Variants in NEDD9 observed in about 807,000 individuals in gnomAD.
NEDD9 encodes the protein neural precursor cell expressed, developmentally down-regulated 9, also known as enhancer of filamentation 1.
A neutral mutation model predicts 76.6 loss-of-function variants in NEDD9; 26 were observed. The observed-to-expected ratio is 0.34, with a 90% CI of 0.25 to 0.47. NEDD9 has a LOEUF of 0.47. Ranked by LOEUF, NEDD9 falls within the 20% of genes least tolerant of loss-of-function variation. The pLI is 1.00. For missense variants in NEDD9, 937 were observed against 1,058.5 expected (o/e 0.89, Z 1.59); for synonymous variants, 392 against 414.2 (o/e 0.95, Z 0.65).
chr6:11,267,769 T>A (rs1339705017), intron 3 of NEDD9, among the ~76,000 whole-genome samples: 1 of 152,088 alleles, frequency 6.6e-6, no homozygotes, highest in Non-Finnish European at 1.5e-5. Flanking sequence ...CAATAAACTG[T>A]TTAAAAAATG....
At position 11,191,096 on chromosome 6, in the gene NEDD9, T is replaced by A. The variant is rs1216742835; in HGVS notation, c.773A>T (p.Glu258Val). ...RQAGRPDLRP[E>V]GVYDIPPTCT... ...GGTTGGAGGAATGTCATAAACCCCC[T>A]CCGGTCTGAGGTCCGGCCTTCCAGC... Residue 258 changes from glutamate (E) to valine (V), a missense_variant, in exon 5 of 7, where the codon GAG becomes GTG. Transcript: ENST00000379446. The A allele has an allele frequency of 3.1e-6, 5 of 1,613,782 alleles. No homozygotes were observed. The highest frequency in any genetic ancestry group is 1.3e-5 in the African/African-American group (1 of 74,808).
chr6:11,200,924 C>T (rs3798734), intron 2 of NEDD9: 346,861 of 1,612,706 alleles, frequency 0.22, 41,119 homozygotes, highest in African/African-American at 0.46. Context: ...CGGCAAGCCT[C>T]CAAACTCAGG....
chr6:11,187,515 G>A (rs1320733254), intron 6 of NEDD9, among the ~76,000 whole-genome samples: 4 of 152,076 alleles, frequency 2.6e-5, no homozygotes, highest in African/African-American at 4.8e-5. Context: ...TGTTGCTGGC[G>A]AAAGAGAGAC....
At chr6:11,233,547 C>T (rs1759542262), upstream of NEDD9, 1 of 518,682 alleles carries the variant, frequency 1.9e-6, no homozygotes. Context: ...TGACCTCTGT[C>T]CTGAGGATGA....
intron 3 of NEDD9, among the ~76,000 whole-genome samples, chr6:11,281,252 G>T (rs1045244210): frequency 1.7e-4 from 26 of 152,182 alleles, no homozygotes; most frequent in African/African-American, 6.3e-4. Context: ...CCTCAGAGCA[G>T]CCATGTCCTT....
At chr6:11,261,074 G>A (rs975537633) in intron 3 of NEDD9, among the ~76,000 whole-genome samples, 1 of 152,144 alleles carries the variant, frequency 6.6e-6, no homozygotes, top group African/African-American at 2.4e-5. Flanking sequence ...CTCACATGTG[G>A]CACAAGATGT....
chr6:11,314,008 A>C (rs1401128466), intron 2 of NEDD9, among the ~76,000 whole-genome samples: 1 of 152,176 alleles, frequency 6.6e-6, no homozygotes, highest in Non-Finnish European at 1.5e-5. Context: ...GATTTAATAA[A>C]ATTTATTTTT....
chr6:11,277,861 C>T (rs762968005), intron 3 of NEDD9, among the ~76,000 whole-genome samples: 2 of 152,214 alleles, frequency 1.3e-5, no homozygotes, highest in African/African-American at 2.4e-5. Flanking sequence ...ATAGCTAACT[C>T]GGCTGGTTCT....
At chr6:11,335,490 C>A (rs1266235136) in intron 1 of NEDD9, among the ~76,000 whole-genome samples, 1 of 152,218 alleles carries the variant, frequency 6.6e-6, no homozygotes, top group Non-Finnish European at 1.5e-5. Context: ...TTCTCCACAA[C>A]AACACCCGAC....
At chr6:11,291,647 GT>G (rs1760777797) in intron 3 of NEDD9, among the ~76,000 whole-genome samples, 2 of 152,154 alleles carry the variant, frequency 1.3e-5, no homozygotes, top group Admixed American at 1.3e-4. Context: ...GTACTCAAAG[GT>G]GCTTCTCTAA....
intron 3 of NEDD9, among the ~76,000 whole-genome samples, chr6:11,244,661 T>C (rs1437805336): frequency 1.3e-5 from 2 of 152,190 alleles, no homozygotes; most frequent in Non-Finnish European, 2.9e-5. Context: ...TCCAAGATCT[T>C]TTTGAGATTT....
At chr6:11,276,811 T>C (rs1451354042) in intron 3 of NEDD9, among the ~76,000 whole-genome samples, 1 of 152,194 alleles carries the variant, frequency 6.6e-6, no homozygotes, top group African/African-American at 2.4e-5. Context: ...TAGTGGCCAT[T>C]ATTATAGCAT....
intron 1 of NEDD9, among the ~76,000 whole-genome samples, chr6:11,376,046 G>C (rs1204173478): frequency 6.6e-6 from 1 of 152,142 alleles, no homozygotes; most frequent in Non-Finnish European, 1.5e-5. Context: ...GGGTGGTCTC[G>C]ATCTCCTGAC....
At chr6:11,309,659 T>G (rs768758621) in intron 2 of NEDD9, among the ~76,000 whole-genome samples, 3 of 152,218 alleles carry the variant, frequency 2.0e-5, no homozygotes, top group Non-Finnish European at 4.4e-5. Flanking sequence ...GTTTAGTATT[T>G]TTTTTAAATG....
chr6:11,221,369 C>T (rs1293669259), intron 1 of NEDD9, among the ~76,000 whole-genome samples: 19 of 139,966 alleles, frequency 1.4e-4, no homozygotes, highest in Non-Finnish European at 2.4e-4. Context: ...GGTGACAGAG[C>T]GAGACTCTGT....
At chr6:11,313,870 A>G (rs16871247) in intron 2 of NEDD9, among the ~76,000 whole-genome samples, 44,467 of 152,192 alleles carry the variant, frequency 0.29, 7,459 homozygotes, top group East Asian at 0.63. Context: ...TAAAAAATTT[A>G]CATCTTCTGG....
intron 1 of NEDD9, among the ~76,000 whole-genome samples, chr6:11,375,244 C>T (rs1449868996): frequency 6.6e-6 from 1 of 152,184 alleles, no homozygotes; most frequent in African/African-American, 2.4e-5. Context: ...ACATGGATAA[C>T]ACTCAGAAAT....
At chr6:11,250,765 T>A (rs1237630934) in intron 3 of NEDD9, among the ~76,000 whole-genome samples, 5 of 152,206 alleles carry the variant, frequency 3.3e-5, no homozygotes, top group African/African-American at 1.2e-4. Flanking sequence ...TCCTTTACAC[T>A]TGGCCACTCC....
At chr6:11,192,491 C>G (rs1254530590) in intron 3 of NEDD9, 45 bp from the exon 4 acceptor site, 4 of 1,429,524 alleles carry the variant, frequency 2.8e-6, no homozygotes, top group Non-Finnish European at 3.9e-6. Flanking sequence ...ATGTCTTATA[C>G]TTGGTCATTT....
Sources: allele counts gnomAD v4.1 joint callset (sites outside exome capture counted in the v4.1 genomes callset), GRCh38; gene constraint gnomAD v4.1.1; transcripts MANE v1.5; gene names NCBI Gene and HGNC (gene_info 2026-07-23, HGNC 2026-07-21).